Variants in DDAH1 observed in about 807,000 individuals in gnomAD.
DDAH1 encodes the protein N(G),N(G)-dimethylarginine dimethylaminohydrolase 1.
Under a neutral mutation model 28.8 loss-of-function variants are expected in DDAH1, and 19 were observed. That is an observed-to-expected ratio of 0.66 (90% confidence interval 0.46 to 0.97). DDAH1 has a LOEUF of 0.97. Ranked by LOEUF, DDAH1 falls within the 50% of genes least tolerant of loss-of-function variation. DDAH1 has a pLI of 0.00. For synonymous variants in DDAH1, 153 were observed against 154.4 expected (o/e 0.99, Z 0.07); for missense variants, 326 against 375.9 (o/e 0.87, Z 1.10).
chr1:85,572,723 G>A (rs1659496412), intron 1 of DDAH1, among the ~76,000 whole-genome samples: 1 of 152,170 alleles, frequency 6.6e-6, no homozygotes, highest in Non-Finnish European at 1.5e-5. Flanking sequence ...GATTCCTGGG[G>A]CACTTGAGTG....
chr1:85,423,926 A>G (rs1653268538), intron 1 of DDAH1, among the ~76,000 whole-genome samples: 1 of 152,156 alleles, frequency 6.6e-6, no homozygotes, highest in South Asian at 2.1e-4. Context: ...TTTTATCATG[A>G]ACGGGTGTTA....
At chr1:85,575,921 G>A (rs1215241610) in intron 1 of DDAH1, 1 of 152,124 alleles carries the variant, frequency 6.6e-6, no homozygotes, top group South Asian at 2.1e-4. Flanking sequence ...TGGGGTCAGG[G>A]GAGAGGGGAG....
intron 1 of DDAH1, among the ~76,000 whole-genome samples, chr1:85,369,968 CT>C (rs760062419): frequency 6.6e-6 from 1 of 152,190 alleles, no homozygotes; most frequent in Non-Finnish European, 1.5e-5. Flanking sequence ...ACAAGCTTAA[CT>C]TGTTCAAGGA....
At chr1:85,342,885 A>T (rs1055203249) in intron 4 of DDAH1, among the ~76,000 whole-genome samples, 1 of 152,234 alleles carries the variant, frequency 6.6e-6, no homozygotes, top group African/African-American at 2.4e-5. Context: ...CCAGAATATC[A>T]GAATTTTCTG....
chr1:85,471,598 A>G (rs187460945), intron 2 of DDAH1, among the ~76,000 whole-genome samples: 1 of 152,342 alleles, frequency 6.6e-6, no homozygotes, highest in East Asian at 1.9e-4. Context: ...AGGACACAGT[A>G]AATACTCAAT....
chr1:85,378,988 T>C (rs2011825), intron 1 of DDAH1, among the ~76,000 whole-genome samples: 52,269 of 152,088 alleles, frequency 0.34, 9,127 homozygotes, highest in South Asian at 0.41. Context: ...TTTCCTAATG[T>C]GCTTTAAATG....
chr1:85,536,946 G>T, intron 1 of DDAH1, among the ~76,000 whole-genome samples: 1 of 83,072 alleles, frequency 1.2e-5, no homozygotes, highest in Non-Finnish European at 2.3e-5. Context: ...AAGAAAATGT[G>T]GCATATATAT....
At chr1:85,369,055 CTTTTTTTTTTTT>C (rs36109764) in intron 1 of DDAH1, among the ~76,000 whole-genome samples, 6 of 84,610 alleles carry the variant, frequency 7.1e-5, no homozygotes, top group Admixed American at 1.4e-4. Context: ...CCAGGGGATT[CTTTTTTTTTTTT>C]TTTTTTTTTT....
chr1:85,519,466 G>A (rs80010163), intron 1 of DDAH1, among the ~76,000 whole-genome samples: 2 of 152,084 alleles, frequency 1.3e-5, no homozygotes, highest in Non-Finnish European at 2.9e-5. Flanking sequence ...AAAATGATGC[G>A]TAAATTTTAT....
At chr1:85,471,097 C>G (rs1472714189) in intron 2 of DDAH1, among the ~76,000 whole-genome samples, 1 of 152,162 alleles carries the variant, frequency 6.6e-6, no homozygotes, top group Admixed American at 6.5e-5. Flanking sequence ...ATGGGATATA[C>G]TTACAGGAGA....
intron 1 of DDAH1, among the ~76,000 whole-genome samples, chr1:85,531,426 AC>A (rs1337970059): frequency 6.6e-6 from 1 of 152,214 alleles, no homozygotes; most frequent in African/African-American, 2.4e-5. Context: ...TGCATATTTC[AC>A]ACTGCTATCA....
rs71075842 is a variant in DDAH1, at chr1:85,519,088, C to CTTTTTT, written c.-122-22813_-122-22808dup. Among the ~76,000 whole-genome samples, 205 of 69,132 alleles carry CTTTTTT rather than the reference C, an allele frequency of 3.0e-3. 16 individuals are homozygous for CTTTTTT. Among genetic ancestry groups the CTTTTTT allele is most frequent in the African/African-American group, 9.1e-3 (172 of 18,986 alleles). The allele number at this position is 69,132 out of a possible 152,430, so 45.4% of individuals were successfully genotyped here. A position where few individuals can be genotyped will look rare whatever the true frequency, so the allele number is the denominator to read the frequency against. On this transcript the variant is annotated intron_variant, in intron 1 of 6. Transcript: ENST00000426972. ...CAAGAAGAAACGAGGAAAGACGGAT[C>CTTTTTT]TTTTTTTTTTTTTTTTTTTTTTTGA...
chr1:85,392,269 T>C (rs1284293380), intron 1 of DDAH1, among the ~76,000 whole-genome samples: 1 of 152,166 alleles, frequency 6.6e-6, no homozygotes, highest in African/African-American at 2.4e-5. Flanking sequence ...TCACATTGTA[T>C]TATCTTGGTA....
At chr1:85,541,248 A>C (rs1570659233) in intron 1 of DDAH1, among the ~76,000 whole-genome samples, 1 of 152,214 alleles carries the variant, frequency 6.6e-6, no homozygotes, top group Admixed American at 6.5e-5. Flanking sequence ...TTTAGAACCA[A>C]AACTTATTTG....
At chr1:85,505,781 A>T (rs899075415) in intron 1 of DDAH1, among the ~76,000 whole-genome samples, 1 of 152,234 alleles carries the variant, frequency 6.6e-6, no homozygotes, top group African/African-American at 2.4e-5. Context: ...TATTTACCTG[A>T]CTTCCTACAA....
intron 1 of DDAH1, among the ~76,000 whole-genome samples, chr1:85,440,066 T>C (rs1654122676): frequency 6.6e-6 from 1 of 152,178 alleles, no homozygotes; most frequent in South Asian, 2.1e-4. Context: ...AAAGCTGACA[T>C]GGGCTTTAAA....
intron 1 of DDAH1, among the ~76,000 whole-genome samples, chr1:85,436,351 T>A (rs1195026054): frequency 2.0e-5 from 3 of 152,182 alleles, no homozygotes; most frequent in Non-Finnish European, 4.4e-5. Context: ...ATTTATCATA[T>A]TTTAAAGCTA....
chr1:85,543,339 C>T (rs565686694), intron 1 of DDAH1, among the ~76,000 whole-genome samples: 4 of 152,216 alleles, frequency 2.6e-5, no homozygotes, highest in South Asian at 2.1e-4. Context: ...ACAACATGCA[C>T]GGAGAATGCT....
chr1:85,390,415 T>G (rs138841175), intron 1 of DDAH1, among the ~76,000 whole-genome samples: 1 of 152,326 alleles, frequency 6.6e-6, no homozygotes, highest in East Asian at 1.9e-4. Context: ...TTATAGGAAC[T>G]ACAAGATGAG....
Sources: allele counts gnomAD v4.1 joint callset (sites outside exome capture counted in the v4.1 genomes callset), GRCh38; gene constraint gnomAD v4.1.1; transcripts MANE v1.5; gene names NCBI Gene and HGNC (gene_info 2026-07-23, HGNC 2026-07-21).